The following MARCHF7 variants were observed in gnomAD, a reference collection of about 807,000 sequenced individuals.
MARCHF7 encodes the protein membrane associated ring-CH-type finger 7.
Under a neutral mutation model 76.5 loss-of-function variants are expected in MARCHF7, and 20 were observed. That is an observed-to-expected ratio of 0.26 (90% CI 0.18 to 0.38). MARCHF7 has a LOEUF of 0.38. MARCHF7 is among the 10% of genes least tolerant of loss of function. The probability of loss-of-function intolerance (pLI) is 1.00; values close to 1 mark genes in which losing one functional copy is unlikely to be tolerated. For missense variants in MARCHF7, 797 were observed against 812.9 expected, an observed-to-expected ratio of 0.98 and a Z score of 0.24; for synonymous variants, 295 against 293.0, an observed-to-expected ratio of 1.01 and a Z score of -0.07.
At chr2:159,766,971 T>C (rs1281654854) in intron 11 of MARCHF7, among the ~76,000 whole-genome samples, 1 of 152,104 alleles carries the variant, frequency 6.6e-6, no homozygotes, top group African/African-American at 2.4e-5. Context: ...TATATATCAT[T>C]AGCTACTATG....
chr2:159,759,503 A>ATTTTTT (rs5835757), intron 9 of MARCHF7, 168 bp downstream of exon 9: 2 of 293,810 alleles, frequency 6.8e-6, no homozygotes, highest in Non-Finnish European at 6.2e-6. Context: ...GAATTTCATA[A>ATTTTTT]TTTTTTTTTT....
At chr2:159,763,039 G>A (rs766742960) in intron 10 of MARCHF7, 46 bp downstream of exon 10, 1 of 1,227,326 alleles carries the variant, frequency 8.1e-7, no homozygotes, top group African/African-American at 1.5e-5. Context: ...GATGCAGCAA[G>A]TGTATGCCTT....
intron 9 of MARCHF7, among the ~76,000 whole-genome samples, chr2:159,762,045 T>C (rs994190128): frequency 6.6e-6 from 1 of 152,188 alleles, no homozygotes; most frequent in Non-Finnish European, 1.5e-5. Flanking sequence ...CTTTGGGGCC[T>C]CTAGACTAAC....
intron 4 of MARCHF7, among the ~76,000 whole-genome samples, chr2:159,739,143 A>G (rs1703824189): frequency 6.6e-6 from 1 of 152,228 alleles, no homozygotes; most frequent in Non-Finnish European, 1.5e-5. Flanking sequence ...GGCCCCTGAG[A>G]GCACAGGGAT....
chr2:159,762,412 C>T (rs1018116698), intron 9 of MARCHF7, among the ~76,000 whole-genome samples: 29 of 152,280 alleles, frequency 1.9e-4, no homozygotes, highest in Admixed American at 1.6e-3. Flanking sequence ...AATGATTAAT[C>T]TCTTACCTTT....
chr2:159,738,696 G>A (rs1002748728), intron 4 of MARCHF7, among the ~76,000 whole-genome samples: 1 of 152,190 alleles, frequency 6.6e-6, no homozygotes, highest in African/African-American at 2.4e-5. Context: ...AGAAGAGGAA[G>A]TGCATGCTGA....
chr2:159,750,265 C>T (rs1056905098), intron 7 of MARCHF7, among the ~76,000 whole-genome samples: 8 of 152,142 alleles, frequency 5.3e-5, no homozygotes, highest in African/African-American at 1.9e-4. Flanking sequence ...CAGTGGTTCA[C>T]GCTGTAATCC....
intron 10 of MARCHF7, among the ~76,000 whole-genome samples, chr2:159,764,258 G>GCA (rs1553787984): frequency 3.5e-5 from 5 of 143,350 alleles, no homozygotes; most frequent in African/African-American, 8.3e-5. Flanking sequence ...GTGTGTGTGC[G>GCA]CGCGCCCACT....
Position 159,748,562 on chromosome 2 carries a change from TAGAAG to T in MARCHF7, c.1277_1281del (p.Arg426IlefsTer3), listed in dbSNP as rs1384356913. 6.2e-7 allele frequency: 1 copy of T among 1,614,102 alleles called. No homozygotes were observed. Among genetic ancestry groups the T allele is most frequent in the Non-Finnish European group, 8.5e-7 (1 of 1,180,048 alleles). On this transcript the variant is annotated frameshift_variant, in exon 7 of 12. Coordinates refer to ENST00000409175, the MANE Select transcript of MARCHF7 (RefSeq NM_001282805.2). LOFTEE classifies it high-confidence loss of function. ...ATACATCATCTAGATCTCATATTTT[TAGAAG>T]AGAATCAAATGAAGTGGTTCACCTT...
At chr2:159,758,140 AT>A in intron 8 of MARCHF7, among the ~76,000 whole-genome samples, 1 of 152,304 alleles carries the variant, frequency 6.6e-6, no homozygotes, top group Admixed American at 6.5e-5. Flanking sequence ...ATTTAAACCT[AT>A]CTACCCTAAT....
chr2:159,764,255 T>TGTGCGC (rs10592175), intron 10 of MARCHF7, among the ~76,000 whole-genome samples: 1,400 of 131,374 alleles, frequency 0.011, 29 homozygotes, highest in African/African-American at 0.039. Flanking sequence ...TGTGTGTGTG[T>TGTGCGC]GCGCGCGCCC....
intron 11 of MARCHF7, among the ~76,000 whole-genome samples, chr2:159,765,820 A>C (rs1000249244): frequency 2.0e-5 from 3 of 152,146 alleles, no homozygotes; most frequent in African/African-American, 7.2e-5. Flanking sequence ...AAAAGAAAGG[A>C]GTCAGTGTGA....
At chr2:159,712,723 G>A (rs533108143) in intron 1 of MARCHF7, 117 bp downstream of exon 1, 1 of 152,546 alleles carries the variant, frequency 6.6e-6, no homozygotes, top group South Asian at 2.1e-4. Flanking sequence ...CAGGCCGCGA[G>A]TGGGGGAGGG....
At chr2:159,724,516 C>T (rs780599217) in intron 3 of MARCHF7, among the ~76,000 whole-genome samples, 17 of 152,098 alleles carry the variant, frequency 1.1e-4, no homozygotes, top group Non-Finnish European at 2.1e-4. Context: ...GTTACATTTG[C>T]TATTTCTTTT....
chr2:159,725,303 T>C (rs1274368950), intron 3 of MARCHF7, among the ~76,000 whole-genome samples: 1 of 152,218 alleles, frequency 6.6e-6, no homozygotes, highest in Non-Finnish European at 1.5e-5. Context: ...CCACCAACAA[T>C]GTAAAAGTGT....
At chr2:159,721,023 A>AT (rs796198892) in intron 3 of MARCHF7, among the ~76,000 whole-genome samples, 24,346 of 137,996 alleles carry the variant, frequency 0.18, 3,520 homozygotes, top group African/African-American at 0.42. Context: ...ACACACGGCT[A>AT]TTTTTTTTTT....
At chr2:159,749,382 C>G (rs1260688768) in intron 7 of MARCHF7, among the ~76,000 whole-genome samples, 1 of 151,864 alleles carries the variant, frequency 6.6e-6, no homozygotes, top group African/African-American at 2.4e-5. Flanking sequence ...GATGGAGTCT[C>G]TGTTGCCCAG....
chr2:159,732,965 AAG>A (rs1702994975), intron 4 of MARCHF7: 1 of 978,970 alleles, frequency 1.0e-6, no homozygotes, highest in Non-Finnish European at 1.2e-6. Flanking sequence ...AATTGAAAGA[AAG>A]AATACATGTG....
chr2:159,767,375 A>G lies in MARCHF7; in HGVS notation c.*33A>G. 2 of 1,501,926 alleles carry G rather than the reference A, an allele frequency of 1.3e-6. No individual in the cohort carries two copies. The highest frequency in any genetic ancestry group is 1.8e-6 in the Non-Finnish European group (2 of 1,087,630). 93.0% of individuals were successfully genotyped at this position (1,501,926 alleles called of 1,614,324 possible). The stretch of plus-strand genomic sequence containing the variant: ...TAAGACAGATGGATGATCTGTGAAC[A>G]TAAGTGTTTATTAAAAATGGCAATT... On this transcript the variant is annotated 3_prime_UTR_variant, in exon 12 of 12. Coordinates refer to ENST00000409175, the MANE Select transcript of MARCHF7 (RefSeq NM_001282805.2).
Sources: gnomAD v4.1 joint callset for allele counts (sites outside exome capture counted in the v4.1 genomes callset) on GRCh38, gnomAD v4.1.1 for gene constraint, MANE v1.5 for transcripts, NCBI Gene and HGNC (gene_info 2026-07-23, HGNC 2026-07-21) for gene names.